PRTFDC1: variants seen among roughly 807,000 people sequenced by gnomAD.
The protein encoded by PRTFDC1 is phosphoribosyltransferase domain-containing protein 1.
In PRTFDC1, 38 loss-of-function variants were observed where a neutral mutation model predicts 34.6. The observed-to-expected ratio is 1.10, with a 90% confidence interval of 0.85 to 1.44. The LOEUF (loss-of-function observed/expected upper bound fraction) is 1.44, where lower values mean the gene tolerates loss of function less well. PRTFDC1 is among the 40% of genes most tolerant of loss of function. The probability of loss-of-function intolerance (pLI) is 0.00; values close to 1 mark genes in which losing one functional copy is unlikely to be tolerated. For missense variants in PRTFDC1, 270 were observed against 283.0 expected (o/e 0.95, Z 0.33); for synonymous variants, 93 against 98.1 (o/e 0.95, Z 0.31).
Position 24,937,329 on chromosome 10 carries a change from C to A in PRTFDC1, c.194G>T (p.Gly65Val). Residue 65 changes from glycine (G) to valine (V), a missense_variant, in exon 3 of 9, where the codon GGA becomes GTA. Physicochemically the swap from Gly to Val is moderately radical, Grantham distance 109. Coordinates refer to ENST00000320152, the MANE Select transcript of PRTFDC1 (RefSeq NM_020200.7). ...ACACAGGACCATGATGTCACTATATCCTATGTCTTTCATAATATCCTTGGC... is the reference window on the plus strand; with the variant it reads ...ACACAGGACCATGATGTCACTATATACTATGTCTTTCATAATATCCTTGGC... ...RLAKDIMKDI[G>V]YSDIMVLCVL... 1 of 1,612,512 alleles carries A rather than the reference C, an allele frequency of 6.2e-7. No homozygotes were observed. Among genetic ancestry groups the A allele is most frequent in the Non-Finnish European group, 8.5e-7 (1 of 1,179,680 alleles).
intron 4 of PRTFDC1, among the ~76,000 whole-genome samples, chr10:24,859,405 A>G (rs1847638097): frequency 6.6e-6 from 1 of 152,132 alleles, no homozygotes; most frequent in Non-Finnish European, 1.5e-5. Context: ...GATTATAGGT[A>G]TGCACCACCA....
chr10:24,911,868 A>G (rs957235112), intron 3 of PRTFDC1, among the ~76,000 whole-genome samples: 3 of 140,598 alleles, frequency 2.1e-5, no homozygotes, highest in Non-Finnish European at 4.9e-5. Flanking sequence ...CTCCATCTCA[A>G]AAAAAACAAA....
Position 24,939,777 on chromosome 10 carries a change from G to C in PRTFDC1, c.156-2410C>G, listed in dbSNP as rs1161716641. On this transcript the variant is annotated intron_variant, in intron 2 of 8. Coordinates refer to ENST00000320152, the MANE Select transcript of PRTFDC1 (RefSeq NM_020200.7). ...CCACTGCACTCCAGCCAGGGTGACAGAGTGAGACTCTATCTCAAAAAAAAA... is the reference window on the plus strand; with the variant it reads ...CCACTGCACTCCAGCCAGGGTGACACAGTGAGACTCTATCTCAAAAAAAAA... 9.6e-5 allele frequency among the ~76,000 whole-genome samples: 11 copies of C among 114,440 alleles called. 1 individual carries two copies. The highest frequency in any genetic ancestry group is 1.2e-4 in the Admixed American group (1 of 8,392). The allele number at this position is 114,440 out of a possible 152,430, so 75.1% of individuals were successfully genotyped here.
At chr10:24,872,086 G>T in intron 3 of PRTFDC1, 23 bp from the exon 4 acceptor site, 1 of 1,578,456 alleles carries the variant, frequency 6.3e-7, no homozygotes, top group South Asian at 1.1e-5. Flanking sequence ...AGAAAAAAAA[G>T]GGAGACAATT....
intron 1 of PRTFDC1, among the ~76,000 whole-genome samples, chr10:24,948,059 T>G (rs1849279545): frequency 6.6e-6 from 1 of 152,166 alleles, no homozygotes. Context: ...GGAAAACTCA[T>G]TACCACCTAG....
chr10:24,925,681 A>G (rs1848860615), intron 3 of PRTFDC1, among the ~76,000 whole-genome samples: 1 of 143,168 alleles, frequency 7.0e-6, no homozygotes, highest in African/African-American at 2.9e-5. Flanking sequence ...ATCTGTTGTG[A>G]TTAATACTAA....
At chr10:24,893,961 T>A (rs1049260700) in intron 3 of PRTFDC1, among the ~76,000 whole-genome samples, 3 of 152,186 alleles carry the variant, frequency 2.0e-5, no homozygotes, top group Non-Finnish European at 2.9e-5. Flanking sequence ...TGGAATGTAC[T>A]TGGGTCAAGG....
At chr10:24,928,554 T>C (rs923894116) in intron 3 of PRTFDC1, among the ~76,000 whole-genome samples, 1 of 151,986 alleles carries the variant, frequency 6.6e-6, no homozygotes, top group Non-Finnish European at 1.5e-5. Context: ...AGTGATTCTA[T>C]TGCCTCAGCC....
chr10:24,908,193 G>C, intron 3 of PRTFDC1: 1 of 280,000 alleles, frequency 3.6e-6, no homozygotes, highest in South Asian at 5.8e-5. Flanking sequence ...TCATACTCTC[G>C]TATCCCCACC....
chr10:24,917,938 G>C (rs969664230), intron 3 of PRTFDC1, among the ~76,000 whole-genome samples: 2 of 152,150 alleles, frequency 1.3e-5, no homozygotes, highest in African/African-American at 4.8e-5. Context: ...ATCTCCCCAG[G>C]CCTCTGTTTT....
Position 24,952,515 on chromosome 10 carries a change from A to G in PRTFDC1, c.48+13T>C. The G allele has an allele frequency of 6.3e-7, 1 of 1,582,640 alleles. No individual in the cohort carries two copies. Among genetic ancestry groups the G allele is most frequent in the East Asian group, 2.3e-5 (1 of 43,574 alleles). On this transcript the variant is annotated intron_variant, in intron 1 of 8. Transcript: ENST00000320152. The surrounding 1 kb of genome is among the most constrained non-coding windows in gnomAD (Gnocchi z 5.1). ...GAGCGGGCCGAGCCCCAAAATAGGGAGTTTGCATTTACCACGACGCCTCGC... is the reference window on the plus strand; with the variant it reads ...GAGCGGGCCGAGCCCCAAAATAGGGGGTTTGCATTTACCACGACGCCTCGC...
At chr10:24,908,317 T>C (rs1264105339) in intron 3 of PRTFDC1, 1 of 760,032 alleles carries the variant, frequency 1.3e-6, no homozygotes, top group African/African-American at 1.8e-5. Context: ...TTCAAGGCAA[T>C]ATTTTTATCC....
intron 3 of PRTFDC1, among the ~76,000 whole-genome samples, chr10:24,913,065 A>G (rs1848649307): frequency 6.6e-6 from 1 of 152,226 alleles, no homozygotes; most frequent in African/African-American, 2.4e-5. Flanking sequence ...TTTTCACCAA[A>G]TAAAATACAA....
At chr10:24,868,574 GCTGAGT>G (rs1847824919) in intron 4 of PRTFDC1, among the ~76,000 whole-genome samples, 1 of 152,156 alleles carries the variant, frequency 6.6e-6, no homozygotes, top group Non-Finnish European at 1.5e-5. Flanking sequence ...CTCCTGAGTA[GCTGAGT>G]CTACAGGTGT....
chr10:24,858,254 T>C, intron 5 of PRTFDC1, 138 bp downstream of exon 5: 1 of 818,794 alleles, frequency 1.2e-6, no homozygotes, highest in Non-Finnish European at 2.0e-6. Context: ...ATCTGGCCCC[T>C]ATTCATTAAA....
chr10:24,887,469 C>G (rs1407586854), intron 3 of PRTFDC1, among the ~76,000 whole-genome samples: 1 of 151,096 alleles, frequency 6.6e-6, no homozygotes, highest in East Asian at 1.9e-4. Flanking sequence ...GGGCTTCCCC[C>G]CTCTCCCTTC....
intron 3 of PRTFDC1, 70 bp from the exon 4 acceptor site, chr10:24,872,133 G>C (rs1237767678): frequency 2.2e-6 from 3 of 1,346,888 alleles, no homozygotes; most frequent in East Asian, 4.7e-5. Flanking sequence ...ACATTTTCCT[G>C]TCTACCCAGT....
At chr10:24,934,366 C>G (rs1849017677) in intron 3 of PRTFDC1, among the ~76,000 whole-genome samples, 1 of 152,134 alleles carries the variant, frequency 6.6e-6, no homozygotes, top group Non-Finnish European at 1.5e-5. Flanking sequence ...CTCCTCTCAG[C>G]CAAGGGCATT....
intron 3 of PRTFDC1, among the ~76,000 whole-genome samples, chr10:24,916,333 C>T (rs1397317857): frequency 6.6e-6 from 1 of 152,140 alleles, no homozygotes; most frequent in African/African-American, 2.4e-5. Context: ...TTCTCAGCAC[C>T]ACACACAGAC....
Sources: gnomAD v4.1 joint callset for allele counts (sites outside exome capture counted in the v4.1 genomes callset) on GRCh38, gnomAD v4.1.1 for gene constraint, Gnocchi (gnomAD v3.1) non-coding constraint, MANE v1.5 for transcripts, NCBI Gene and HGNC (gene_info 2026-07-23, HGNC 2026-07-21) for gene names.